The following NKAIN2 variants were observed in gnomAD, a reference collection of about 807,000 sequenced individuals.
NKAIN2 encodes sodium/potassium-transporting ATPase subunit beta-1-interacting protein 2.
A neutral mutation model predicts 32.6 loss-of-function variants in NKAIN2; 14 were observed. The observed-to-expected ratio is 0.43, with a 90% CI of 0.28 to 0.67. The LOEUF is 0.67. Among genes scored for constraint, NKAIN2 ranks in the 30% least tolerant of loss-of-function variants. The probability of loss-of-function intolerance (pLI) is 0.17; values close to 1 mark genes in which losing one functional copy is unlikely to be tolerated. For synonymous variants in NKAIN2, 80 were observed against 87.2 expected (o/e 0.92, Z 0.46); for missense variants, 198 against 258.3 (o/e 0.77, Z 1.60).
chr6:123,922,166 C>T (rs993096039), intron 1 of NKAIN2, among the ~76,000 whole-genome samples: 1 of 152,020 alleles, frequency 6.6e-6, no homozygotes, highest in African/African-American at 2.4e-5. Flanking sequence ...ATTCAAAAAA[C>T]CAGTATTTTT....
chr6:124,104,774 G>A (rs1300018631), intron 1 of NKAIN2, among the ~76,000 whole-genome samples: 1 of 152,156 alleles, frequency 6.6e-6, no homozygotes, highest in Non-Finnish European at 1.5e-5. Flanking sequence ...CAGTTCTATA[G>A]TTACTGCACA....
intron 3 of NKAIN2, among the ~76,000 whole-genome samples, chr6:124,518,692 G>T (rs1216363151): frequency 1.3e-5 from 2 of 152,030 alleles, no homozygotes; most frequent in South Asian, 2.1e-4. Context: ...CATGAGATTT[G>T]GGCAGAGACA....
chr6:124,423,328 T>C (rs1307446428), intron 3 of NKAIN2, among the ~76,000 whole-genome samples: 1 of 152,200 alleles, frequency 6.6e-6, no homozygotes, highest in African/African-American at 2.4e-5. Context: ...AGACCTAGAC[T>C]CTGAAGTGAA....
At chr6:124,360,000 C>T (rs1799198133) in intron 3 of NKAIN2, among the ~76,000 whole-genome samples, 1 of 152,100 alleles carries the variant, frequency 6.6e-6, no homozygotes, top group South Asian at 2.1e-4. Context: ...TGAATTTTGT[C>T]AAAGGCCTTT....
At chr6:124,355,105 C>T (rs1328047710) in intron 2 of NKAIN2, among the ~76,000 whole-genome samples, 162 bp from the exon 3 acceptor site, 4 of 151,130 alleles carry the variant, frequency 2.6e-5, no homozygotes, top group African/African-American at 7.3e-5. Flanking sequence ...AAAAAAATCT[C>T]AACAGAGATA....
rs141682903 is a variant in NKAIN2 at position 123,892,200 on chromosome 6, C to G, written c.54+87946C>G. 4.9e-3 allele frequency among the ~76,000 whole-genome samples: 744 copies of G among 152,316 alleles called. 5 individuals are homozygous for G. The highest frequency in any genetic ancestry group is 0.017 in the African/African-American group (708 of 41,572). The stretch of plus-strand genomic sequence containing the variant: ...ACTGCATTACATACTTGGCCCCAGC[C>G]ACAAATGTGCAGTGCCCTTTAACAT... On this transcript the variant is annotated intron_variant, in intron 1 of 6. Coordinates refer to ENST00000368417, the MANE Select transcript of NKAIN2 (RefSeq NM_001040214.3).
At chr6:124,415,796 C>A (rs1774435194) in intron 3 of NKAIN2, among the ~76,000 whole-genome samples, 1 of 149,006 alleles carries the variant, frequency 6.7e-6, no homozygotes, top group Non-Finnish European at 1.5e-5. Context: ...GAAATGGGGT[C>A]AAACCAACTA....
intron 3 of NKAIN2, among the ~76,000 whole-genome samples, chr6:124,482,317 C>T (rs1373600599): frequency 6.6e-6 from 1 of 152,138 alleles, no homozygotes; most frequent in Non-Finnish European, 1.5e-5. Flanking sequence ...GTTCTAAAAA[C>T]AGTTTGGCCC....
In NKAIN2 at chr6:123,951,530, A is replaced by G. The variant is rs536419558; in HGVS notation, c.54+147276A>G. ...ATAATGACCCTCTTTTTCGCTTTTTACCATTTTTGACTTAAAGTCTGTTTT... is the reference window on the plus strand; with the variant it reads ...ATAATGACCCTCTTTTTCGCTTTTTGCCATTTTTGACTTAAAGTCTGTTTT... On this transcript the variant is annotated intron_variant, in intron 1 of 6. Transcript: ENST00000368417. Among the ~76,000 whole-genome samples, 3 of 151,896 alleles carry G rather than the reference A, an allele frequency of 2.0e-5. No homozygotes were observed. The South Asian group carries it at 6.2e-4, about 31-fold the overall frequency.
At chr6:124,484,178 A>G (rs1027399016) in intron 3 of NKAIN2, among the ~76,000 whole-genome samples, 1 of 152,222 alleles carries the variant, frequency 6.6e-6, no homozygotes, top group Non-Finnish European at 1.5e-5. Flanking sequence ...TATAAAAGCT[A>G]TGGAACTGCT....
chr6:123,938,568 ATT>A (rs1269076640), intron 1 of NKAIN2, among the ~76,000 whole-genome samples: 5 of 132,544 alleles, frequency 3.8e-5, no homozygotes, highest in Non-Finnish European at 8.0e-5. Context: ...ATTTTTATAT[ATT>A]ATATATATTT....
intron 3 of NKAIN2, among the ~76,000 whole-genome samples, chr6:124,621,251 T>C (rs1783096978): frequency 6.6e-6 from 1 of 152,206 alleles, no homozygotes; most frequent in African/African-American, 2.4e-5. Flanking sequence ...TTCAGCTTCA[T>C]AGGATACTAA....
chr6:124,618,717 G>A (rs567502383), intron 3 of NKAIN2, among the ~76,000 whole-genome samples: 2 of 152,148 alleles, frequency 1.3e-5, no homozygotes, highest in East Asian at 1.9e-4. Flanking sequence ...GAAACTTACC[G>A]GCAATGAGAA....
chr6:124,315,858 C>T (rs149687426), intron 2 of NKAIN2, among the ~76,000 whole-genome samples: 457 of 152,162 alleles, frequency 3.0e-3, no homozygotes, highest in Non-Finnish European at 4.9e-3. Flanking sequence ...TTATTCAAAA[C>T]ATTTTATTTT....
chr6:124,069,175 G>C (rs1388618201), intron 1 of NKAIN2, among the ~76,000 whole-genome samples: 1 of 151,944 alleles, frequency 6.6e-6, no homozygotes, highest in Non-Finnish European at 1.5e-5. Context: ...ACTTCATATG[G>C]CATTTCATCT....
At chr6:124,402,634 A>G (rs1174683166) in intron 3 of NKAIN2, among the ~76,000 whole-genome samples, 1 of 152,230 alleles carries the variant, frequency 6.6e-6, no homozygotes, top group Non-Finnish European at 1.5e-5. Context: ...AAAACAAACA[A>G]TGTCATGTCC....
intron 3 of NKAIN2, among the ~76,000 whole-genome samples, chr6:124,625,903 G>A (rs948172027): frequency 6.6e-6 from 1 of 151,740 alleles, no homozygotes; most frequent in Non-Finnish European, 1.5e-5. Flanking sequence ...AACATATTGT[G>A]TTCCTTTAAA....
intron 3 of NKAIN2, among the ~76,000 whole-genome samples, chr6:124,629,694 A>T (rs1783488960): frequency 1.3e-5 from 2 of 152,168 alleles, no homozygotes; most frequent in African/African-American, 4.8e-5. Context: ...CCCAATGTAG[A>T]GATACTATAA....
intron 3 of NKAIN2, among the ~76,000 whole-genome samples, chr6:124,513,453 A>T (rs1778792783): frequency 6.6e-6 from 1 of 152,074 alleles, no homozygotes; most frequent in Non-Finnish European, 1.5e-5. Context: ...GGCTATTAGG[A>T]TCTCTGGAAA....
Sources: gnomAD v4.1 joint callset for allele counts (sites outside exome capture counted in the v4.1 genomes callset) on GRCh38, gnomAD v4.1.1 for gene constraint, MANE v1.5 for transcripts, NCBI Gene and HGNC (gene_info 2026-07-23, HGNC 2026-07-21) for gene names.